FGFR1OP2: variants seen among roughly 807,000 people sequenced by gnomAD.
FGFR1OP2 encodes the protein fibroblast growth factor receptor 1 oncogene partner 2.
In FGFR1OP2, 17 loss-of-function variants were observed where a neutral mutation model predicts 35.2. The ratio of observed to expected loss-of-function variants is 0.48; its 90% CI spans 0.33 to 0.73. The LOEUF is 0.73. Ranked by LOEUF, FGFR1OP2 falls within the 30% of genes least tolerant of loss-of-function variation. The pLI is 0.02. For missense variants in FGFR1OP2, 251 were observed against 307.3 expected (o/e 0.82, Z 1.37); for synonymous variants, 105 against 104.6 (o/e 1.00, Z -0.03).
chr12:26,940,563 G>A (rs1231172978), intron 1 of FGFR1OP2, among the ~76,000 whole-genome samples: 2 of 152,088 alleles, frequency 1.3e-5, no homozygotes, highest in Middle Eastern at 3.4e-3. Context: ...ATTTCCATAT[G>A]GGTCAGTTCA....
intron 1 of FGFR1OP2, among the ~76,000 whole-genome samples, chr12:26,953,188 T>C (rs1257073110): frequency 7.1e-6 from 1 of 139,908 alleles, no homozygotes; most frequent in Non-Finnish European, 1.5e-5. Context: ...GGCGTGAACC[T>C]GGGAGGTGGA....
In FGFR1OP2 at chr12:26,964,932, C is replaced by A; in HGVS notation, c.*199C>A. ...ACATAATTGGAAAATAGAAACTGAGCCATTGCCAAATGGTAAAGAAATGAA... is the reference window on the plus strand; with the variant it reads ...ACATAATTGGAAAATAGAAACTGAGACATTGCCAAATGGTAAAGAAATGAA... On this transcript the variant is annotated 3_prime_UTR_variant, in exon 7 of 7. Coordinates refer to ENST00000229395, the MANE Select transcript of FGFR1OP2 (RefSeq NM_015633.3). 2.1e-6 allele frequency: 1 copy of A among 487,596 alleles called. No homozygotes were observed. The highest frequency in any genetic ancestry group is 3.5e-6 in the Non-Finnish European group (1 of 287,110). The allele number at this position is 487,596 out of a possible 1,614,324, so 30.2% of individuals were successfully genotyped here.
chr12:26,939,269 C>G (rs1938663193), intron 1 of FGFR1OP2, among the ~76,000 whole-genome samples: 1 of 151,886 alleles, frequency 6.6e-6, no homozygotes, highest in South Asian at 2.1e-4. Flanking sequence ...TGCGGTTGCC[C>G]CCTCTGCCCC....
At position 26,964,611 on chromosome 12, in the gene FGFR1OP2, T is replaced by G. The variant is rs1212165753; in HGVS notation, c.640T>G (p.Leu214Val). Residue 214 changes from leucine to valine, a missense_variant, in exon 7 of 7, where the codon TTG becomes GTG. Physicochemically the swap from Leu to Val is conservative, Grantham distance 32. Transcript: ENST00000229395. ...TGCCTTTTAGCAAGAAAACAAAGGC[T>G]TGAGAGAGATCCTTCAAATAACTCG... ...IFQLEQENKG[L>V]REILQITRES... 2 of 1,612,762 alleles carry G rather than the reference T, an allele frequency of 1.2e-6. No individual in the cohort carries two copies. Among genetic ancestry groups the G allele is most frequent in the Non-Finnish European group, 1.7e-6 (2 of 1,179,276 alleles).
rs1428683494 is a variant in FGFR1OP2 at position 26,941,173 on chromosome 12, G to A, written c.-15+2463G>A. On this transcript the variant is annotated intron_variant, in intron 1 of 6. Coordinates refer to ENST00000229395, the MANE Select transcript of FGFR1OP2 (RefSeq NM_015633.3). The stretch of plus-strand genomic sequence containing the variant: ...CGCCTATAGAAAATAATGTAAGTAA[G>A]TGTATTATGGCCAGTTAAGGTAGGC... Among the ~76,000 whole-genome samples the A allele has an allele frequency of 2.0e-5, 3 of 151,984 alleles. No individual in the cohort carries two copies. The East Asian group carries it at 5.8e-4, about 29-fold the overall frequency.
rs747913774 is a variant in FGFR1OP2, at chr12:26,954,315, CA to C, written c.135+23del. 9 of 1,570,852 alleles carry C rather than the reference CA, an allele frequency of 5.7e-6. No homozygotes were observed. The Admixed American group carries it at 1.7e-4, about 29-fold the overall frequency. On this transcript the variant is annotated intron_variant, in intron 2 of 6. Coordinates refer to ENST00000229395, the MANE Select transcript of FGFR1OP2 (RefSeq NM_015633.3). Reference sequence around the variant, plus strand: ...ACAGGTTTGATTTTTCTTTCTTGTTCATTCCATTTATCAAAAGCAGTCATTG... The same window carrying C: ...ACAGGTTTGATTTTTCTTTCTTGTTCTTCCATTTATCAAAAGCAGTCATTG...
intron 1 of FGFR1OP2, among the ~76,000 whole-genome samples, chr12:26,953,898 C>T (rs927658150): frequency 6.6e-6 from 1 of 152,156 alleles, no homozygotes; most frequent in Non-Finnish European, 1.5e-5. Flanking sequence ...GTTTTAAATG[C>T]GTTCTAGTTC....
intron 1 of FGFR1OP2, among the ~76,000 whole-genome samples, chr12:26,950,292 G>A (rs1337149050): frequency 3.3e-5 from 4 of 121,294 alleles, no homozygotes; most frequent in Admixed American, 1.1e-4. Flanking sequence ...GCACAATCTC[G>A]GCTCACTGCA....
intron 4 of FGFR1OP2, among the ~76,000 whole-genome samples, 182 bp from the exon 5 acceptor site, chr12:26,960,333 G>A (rs1295412346): frequency 1.3e-5 from 2 of 152,036 alleles, no homozygotes; most frequent in African/African-American, 4.8e-5. Context: ...TCAGTAGAAA[G>A]TTTGAGAGCT....
intron 1 of FGFR1OP2, among the ~76,000 whole-genome samples, chr12:26,952,917 C>T (rs1218117879): frequency 6.6e-6 from 1 of 151,900 alleles, no homozygotes; most frequent in African/African-American, 2.4e-5. Flanking sequence ...TTTGAGGAAA[C>T]CCTGAAGAAA....
rs1939172434 is a variant in FGFR1OP2 at position 26,966,028 on chromosome 12, A to G, written c.*1295A>G. The G allele has an allele frequency of 6.6e-6, 1 of 152,108 alleles. No homozygotes were observed. Among genetic ancestry groups the G allele is most frequent in the South Asian group, 2.1e-4 (1 of 4,834 alleles). The allele number at this position is 152,108 out of a possible 1,614,324, so 9.4% of individuals were successfully genotyped here. On this transcript the variant is annotated 3_prime_UTR_variant, in exon 7 of 7. Coordinates refer to ENST00000229395, the MANE Select transcript of FGFR1OP2 (RefSeq NM_015633.3). ...ACAAATGGAAAATTATACTTTGAGTATATAATTTGTTAAATATTACTTTAT... is the reference window on the plus strand; with the variant it reads ...ACAAATGGAAAATTATACTTTGAGTGTATAATTTGTTAAATATTACTTTAT...
intron 1 of FGFR1OP2, among the ~76,000 whole-genome samples, chr12:26,950,563 C>A (rs1008206704): frequency 1.3e-5 from 2 of 152,116 alleles, no homozygotes; most frequent in African/African-American, 2.4e-5. Flanking sequence ...TGAGAAACCT[C>A]TTTTCTTTGC....
rs567364251 is a variant in FGFR1OP2 at position 26,947,761 on chromosome 12, A to G, written c.-14-6384A>G. On this transcript the variant is annotated intron_variant, in intron 1 of 6. Transcript: ENST00000229395. ...CAATGCATAGTTGGGTCCTCTTTTA[A>G]AATTCTGATCATCTGTCTTAATCTT... Among the ~76,000 whole-genome samples, 3 of 152,244 alleles carry G rather than the reference A, an allele frequency of 2.0e-5. No individual in the cohort carries two copies. In the South Asian group the frequency reaches 6.2e-4, roughly 32 times the overall value.
In FGFR1OP2 at chr12:26,964,688, G is replaced by T; in HGVS notation, c.717G>T (p.Leu239Phe). The T allele has an allele frequency of 4.3e-6, 7 of 1,611,782 alleles. No homozygotes were observed. Among genetic ancestry groups the T allele is most frequent in the Non-Finnish European group, 5.1e-6 (6 of 1,179,354 alleles). Residue 239 changes from leucine (L) to phenylalanine (F), a missense_variant, in exon 7 of 7, where the codon TTG (leucine) becomes TTT (phenylalanine). Leu to Phe is a conservative substitution (Grantham distance 22, BLOSUM62 0). Transcript: ENST00000229395. ...RKDDASESTS[L>F]SALVTNSDLS... ...ATGATGCGTCGGAAAGTACTTCTTT[G>T]TCAGCATTAGTGACCAACAGTGATT...
rs745955411 is a variant in FGFR1OP2, at chr12:26,956,577, C to T, written c.170C>T (p.Ala57Val). The change falls in exon 3 of 7, where the codon GCG becomes GTG. Residue 57 changes from alanine (A) to valine (V), a missense_variant. Physicochemically the swap from Ala to Val is moderately conservative, Grantham distance 64. Coordinates refer to ENST00000229395, the MANE Select transcript of FGFR1OP2 (RefSeq NM_015633.3). ...QEEIQELNEV[A>V]RHRPRSTLVM... The stretch of plus-strand genomic sequence containing the variant: ...GAAATTCAAGAACTTAATGAAGTCG[C>T]GAGACATCGGCCACGGTCCACGTTA... 12 of 1,592,544 alleles carry T rather than the reference C, an allele frequency of 7.5e-6. No homozygotes were observed. The highest frequency in any genetic ancestry group is 2.3e-5 in the South Asian group (2 of 88,796).
chr12:26,951,938 C>T (rs1412061953), intron 1 of FGFR1OP2, among the ~76,000 whole-genome samples: 1 of 152,064 alleles, frequency 6.6e-6, no homozygotes, highest in Non-Finnish European at 1.5e-5. Context: ...CCAAGGTAAA[C>T]TTTATTTTCT....
chr12:26,964,343 T>G (rs747809674), intron 6 of FGFR1OP2, among the ~76,000 whole-genome samples: 2 of 152,156 alleles, frequency 1.3e-5, no homozygotes, highest in Non-Finnish European at 2.9e-5. Flanking sequence ...TTTCTGAGCT[T>G]CTGTTTACAA....
In FGFR1OP2 at chr12:26,963,359, T is replaced by C; in HGVS notation, c.528T>C (p.Val176=). Residue 176 remains valine (V), a synonymous_variant, in exon 6 of 7, where the codon GTT becomes GTC. Transcript: ENST00000229395. ...TTTTTCAGGAACTGCAAGCACATGTTGACCAGATAACTGAAATGGCAGCAG... is the reference window on the plus strand; with the variant it reads ...TTTTTCAGGAACTGCAAGCACATGTCGACCAGATAACTGAAATGGCAGCAG... ...EANQNELQAH[V]DQITEMAAVM... 2.5e-6 allele frequency: 4 copies of C among 1,608,576 alleles called. No individual in the cohort carries two copies. Among genetic ancestry groups the C allele is most frequent in the Non-Finnish European group, 3.4e-6 (4 of 1,176,624 alleles).
At chr12:26,938,902 C>T (rs1565844163) in intron 1 of FGFR1OP2, among the ~76,000 whole-genome samples, 192 bp downstream of exon 1, 1 of 152,112 alleles carries the variant, frequency 6.6e-6, no homozygotes, top group Non-Finnish European at 1.5e-5. Context: ...ACTCCGAGCT[C>T]CTCTTAATGG....
Sources: gnomAD v4.1 joint callset for allele counts (sites outside exome capture counted in the v4.1 genomes callset) on GRCh38, gnomAD v4.1.1 for gene constraint, MANE v1.5 for transcripts, NCBI Gene and HGNC (gene_info 2026-07-23, HGNC 2026-07-21) for gene names.